ROBO2: variants seen among roughly 807,000 people sequenced by gnomAD.
The protein encoded by ROBO2 is roundabout guidance receptor 2.
ROBO2 carries 53 observed loss-of-function variants against 160.8 expected under a neutral mutation model. The observed-to-expected ratio is 0.33, with a 90% CI of 0.26 to 0.41. The LOEUF is 0.41. ROBO2 is among the 10% of genes least tolerant of loss of function. ROBO2 has a pLI of 1.00. For synonymous variants in ROBO2, 664 were observed against 611.7 expected (o/e 1.09, Z -1.26); for missense variants, 1,577 against 1,722.4 (o/e 0.92, Z 1.49).
At chr3:76,015,713 G>A (rs1338820611) in intron 2 of ROBO2, among the ~76,000 whole-genome samples, 1 of 152,146 alleles carries the variant, frequency 6.6e-6, no homozygotes, top group East Asian at 1.9e-4. Flanking sequence ...CTGTGCATTG[G>A]AAGAAAACCA....
At chr3:77,141,719 A>G (rs1399060543) in intron 2 of ROBO2, among the ~76,000 whole-genome samples, 2 of 152,198 alleles carry the variant, frequency 1.3e-5, no homozygotes, top group Non-Finnish European at 2.9e-5. Context: ...CCAGAAAGTG[A>G]CAGGTTTGGG....
At chr3:77,427,696 T>G (rs771554594) in intron 2 of ROBO2, among the ~76,000 whole-genome samples, 3 of 152,216 alleles carry the variant, frequency 2.0e-5, no homozygotes, top group Non-Finnish European at 4.4e-5. Flanking sequence ...TTTTCCCAAG[T>G]GCAAGGCTTG....
intron 2 of ROBO2, among the ~76,000 whole-genome samples, chr3:76,270,042 T>C (rs1383568043): frequency 6.6e-6 from 1 of 152,070 alleles, no homozygotes; most frequent in African/African-American, 2.4e-5. Flanking sequence ...AATCTCTTTT[T>C]TTAGATGTGG....
intron 2 of ROBO2, among the ~76,000 whole-genome samples, chr3:77,401,487 A>G (rs764956835): frequency 5.9e-5 from 9 of 152,184 alleles, no homozygotes; most frequent in African/African-American, 9.6e-5. Flanking sequence ...TGCACTGTAC[A>G]TTTTGAAGAC....
At chr3:76,555,425 G>GAAGAAGAAGAAGAAGAAGAAGAAGAA (rs1399867100) in intron 2 of ROBO2, among the ~76,000 whole-genome samples, 800 of 68,384 alleles carry the variant, frequency 0.012, 25 homozygotes, top group Non-Finnish European at 0.02. Context: ...AAGAAAGAAG[G>GAAGAAGAAGAAGAAGAAGAAGAAGAA]AGAAGGGGAA....
At chr3:77,109,408 A>G (rs2073276660) in intron 2 of ROBO2, among the ~76,000 whole-genome samples, 1 of 152,230 alleles carries the variant, frequency 6.6e-6, no homozygotes, top group Non-Finnish European at 1.5e-5. Flanking sequence ...GAAAATATTA[A>G]CAAAACAAAT....
intron 2 of ROBO2, among the ~76,000 whole-genome samples, chr3:77,251,890 A>G (rs1329730981): frequency 6.6e-6 from 1 of 152,134 alleles, no homozygotes; most frequent in Non-Finnish European, 1.5e-5. Flanking sequence ...CTTTTTCTTT[A>G]TGAATTACCC....
rs147033709 is a variant in ROBO2, at chr3:76,701,566, C to A, written c.110-396448C>A. On this transcript the variant is annotated intron_variant, in intron 2 of 26. Coordinates refer to the ROBO2 transcript ENST00000487694. ...TCCAGCCTCTTCTGTTCAAGGCTTGCTCTTGAAAAAGGCAATGATGGGCAC... is the reference window on the plus strand; with the variant it reads ...TCCAGCCTCTTCTGTTCAAGGCTTGATCTTGAAAAAGGCAATGATGGGCAC... Among the ~76,000 whole-genome samples the A allele has an allele frequency of 1.6e-3, 245 of 152,068 alleles. 10 individuals are homozygous for A. In the South Asian group the frequency reaches 0.034, roughly 21 times the overall value.
At chr3:77,462,472 T>C (rs1353892272) in intron 2 of ROBO2, among the ~76,000 whole-genome samples, 1 of 152,230 alleles carries the variant, frequency 6.6e-6, no homozygotes, top group African/African-American at 2.4e-5. Flanking sequence ...AGATATTTTA[T>C]TGACATTTAC....
At chr3:75,959,015 C>T (rs919700272) in intron 2 of ROBO2, among the ~76,000 whole-genome samples, 20 of 151,844 alleles carry the variant, frequency 1.3e-4, no homozygotes, top group African/African-American at 4.8e-4. Context: ...GTCAGAGCAA[C>T]TTTAAGGCAG....
chr3:77,218,960 C>T (rs2085346902), intron 2 of ROBO2, among the ~76,000 whole-genome samples: 2 of 151,808 alleles, frequency 1.3e-5, no homozygotes, highest in South Asian at 2.1e-4. Flanking sequence ...TATGTTTGAT[C>T]GATTTTTGTT....
rs370346102 is a variant in ROBO2, at chr3:77,022,094, G to A, written c.110-75920G>A. On this transcript the variant is annotated intron_variant, in intron 2 of 26. Transcript: ENST00000487694. ...CACCTCTTAAAAACAAACAGACCAG[G>A]CATGGTGGCTTATGCCTGTAATCCC... Among the ~76,000 whole-genome samples the A allele has an allele frequency of 7.9e-5, 12 of 152,166 alleles. No individual in the cohort carries two copies. In the East Asian group the frequency reaches 2.1e-3, roughly 27 times the overall value.
chr3:77,611,478 A>C (rs2094641449), intron 21 of ROBO2, among the ~76,000 whole-genome samples: 1 of 152,094 alleles, frequency 6.6e-6, no homozygotes, highest in Non-Finnish European at 1.5e-5. Flanking sequence ...AATGGCTAGC[A>C]GAATGGCTAA....
intron 2 of ROBO2, among the ~76,000 whole-genome samples, chr3:76,180,277 A>G (rs1339608648): frequency 6.6e-6 from 1 of 152,196 alleles, no homozygotes; most frequent in Non-Finnish European, 1.5e-5. Context: ...TTGTGTAATG[A>G]AAACTTCTAA....
In ROBO2 at chr3:76,323,354, A is replaced by G. The variant is rs145580611; in HGVS notation, c.109+385752A>G. Among the ~76,000 whole-genome samples the G allele has an allele frequency of 7.1e-3, 1,077 of 152,186 alleles. 16 individuals are homozygous for G. Among genetic ancestry groups the G allele is most frequent in the African/African-American group, 0.025 (1,028 of 41,526 alleles). On this transcript the variant is annotated intron_variant, in intron 2 of 26. Transcript: ENST00000487694. ...TTTTTCTCCTCATTCGAATTCATCA[A>G]TCTGTATTTTAGGCTCATTATAGAT...
intron 2 of ROBO2, among the ~76,000 whole-genome samples, chr3:76,939,645 G>A (rs1416346681): frequency 6.6e-6 from 1 of 152,082 alleles, no homozygotes; most frequent in South Asian, 2.1e-4. Flanking sequence ...TTAGCCAGGC[G>A]TGGTGATGCA....
At chr3:77,434,824 T>G (rs1334913832) in intron 2 of ROBO2, among the ~76,000 whole-genome samples, 2 of 152,138 alleles carry the variant, frequency 1.3e-5, no homozygotes, top group Admixed American at 6.6e-5. Flanking sequence ...GAAAATGGCT[T>G]CACTGGATAC....
chr3:76,749,869 CA>C (rs1196191572), intron 2 of ROBO2, among the ~76,000 whole-genome samples: 1 of 152,024 alleles, frequency 6.6e-6, no homozygotes, highest in Non-Finnish European at 1.5e-5. Context: ...ACCAGAGGTG[CA>C]AAGAGGAGCT....
At chr3:75,935,133 G>A (rs79292096) in intron 1 of ROBO2, among the ~76,000 whole-genome samples, 8 of 152,030 alleles carry the variant, frequency 5.3e-5, no homozygotes, top group Non-Finnish European at 1.2e-4. Context: ...ATGTTAAGTG[G>A]TACTCTAATT....
Sources: gnomAD v4.1 joint callset for allele counts (sites outside exome capture counted in the v4.1 genomes callset) on GRCh38, gnomAD v4.1.1 for gene constraint, MANE v1.5 for transcripts, NCBI Gene and HGNC (gene_info 2026-07-23, HGNC 2026-07-21) for gene names.